Variants in AUTS2 observed in about 807,000 individuals in gnomAD.
AUTS2 encodes the protein activator of transcription and developmental regulator AUTS2, also known as autism susceptibility gene 2 protein.
Under a neutral mutation model 112.4 loss-of-function variants are expected in AUTS2, and 17 were observed. The observed-to-expected ratio is 0.15, with a 90% CI of 0.10 to 0.23. AUTS2 has a LOEUF of 0.23. AUTS2 is among the 10% of genes least tolerant of loss of function. The pLI is 1.00. For synonymous variants in AUTS2, 751 were observed against 702.7 expected, an observed-to-expected ratio of 1.07 and a Z score of -1.09; for missense variants, 1,510 against 1,701.6, an observed-to-expected ratio of 0.89 and a Z score of 1.98.
chr7:70,758,174 C>T (rs1198179988), intron 6 of AUTS2, among the ~76,000 whole-genome samples: 1 of 152,136 alleles, frequency 6.6e-6, no homozygotes, highest in Admixed American at 6.5e-5. Flanking sequence ...GTTGTACATT[C>T]GGCATTCTTT....
chr7:70,374,852 G>A (rs1170317962), intron 4 of AUTS2, among the ~76,000 whole-genome samples: 2 of 152,096 alleles, frequency 1.3e-5, no homozygotes, highest in Non-Finnish European at 2.9e-5. Flanking sequence ...ACATGTGCGT[G>A]CACACAGACC....
intron 1 of AUTS2, among the ~76,000 whole-genome samples, chr7:69,820,042 CATTTCATGGAGTTTATG>C (rs1161866190): frequency 1.3e-5 from 2 of 152,208 alleles, no homozygotes; most frequent in Admixed American, 1.3e-4. Context: ...ATTGCTGCTG[CATTTCATGGAGTTTATG>C]AGATGTGCTT....
chr7:70,385,944 AAC>A (rs1230876342), intron 4 of AUTS2, among the ~76,000 whole-genome samples: 1 of 150,208 alleles, frequency 6.7e-6, no homozygotes, highest in Non-Finnish European at 1.5e-5. Flanking sequence ...GGTTACTTAC[AAC>A]ACAGAGATTT....
intron 5 of AUTS2, among the ~76,000 whole-genome samples, chr7:70,582,876 A>T (rs1478039138): frequency 6.6e-6 from 1 of 152,212 alleles, no homozygotes; most frequent in Non-Finnish European, 1.5e-5. Flanking sequence ...ATGTCCCTAT[A>T]AAGTGAGTTT....
intron 3 of AUTS2, among the ~76,000 whole-genome samples, chr7:70,121,299 T>C (rs7805165): frequency 0.079 from 12,062 of 151,952 alleles, 613 homozygotes; most frequent in African/African-American, 0.13. Context: ...CAGTGGCTTA[T>C]TAGATATGAC....
At chr7:70,625,121 C>T (rs930282500) in intron 5 of AUTS2, among the ~76,000 whole-genome samples, 4 of 152,120 alleles carry the variant, frequency 2.6e-5, no homozygotes, top group Admixed American at 1.3e-4. Flanking sequence ...TTTCCCTTTA[C>T]AGCACTCACC....
intron 1 of AUTS2, among the ~76,000 whole-genome samples, chr7:69,872,795 ACTTT>A (rs1793556525): frequency 7.0e-6 from 1 of 142,374 alleles, no homozygotes; most frequent in Non-Finnish European, 1.5e-5. Flanking sequence ...CAGGAAGTTG[ACTTT>A]CACATTTGAG....
intron 4 of AUTS2, among the ~76,000 whole-genome samples, chr7:70,401,617 G>A (rs1264331858): frequency 6.6e-6 from 1 of 152,204 alleles, no homozygotes; most frequent in Admixed American, 6.5e-5. Flanking sequence ...AAAGGATCCA[G>A]AATGAAGCTT....
intron 1 of AUTS2, among the ~76,000 whole-genome samples, chr7:69,828,125 T>C (rs1791334726): frequency 6.6e-6 from 1 of 152,200 alleles, no homozygotes; most frequent in South Asian, 2.1e-4. Flanking sequence ...ACTTTGATTT[T>C]ATTTAGGTGT....
At chr7:70,773,954 A>G in intron 11 of AUTS2, 74 bp from the exon 12 acceptor site, 3 of 1,386,012 alleles carry the variant, frequency 2.2e-6, no homozygotes, top group Non-Finnish European at 3.1e-6. Context: ...CTCATTTAGC[A>G]GAAGGGAAGG....
intron 1 of AUTS2, among the ~76,000 whole-genome samples, chr7:69,860,797 G>T (rs1198798687): frequency 1.3e-5 from 2 of 152,194 alleles, no homozygotes; most frequent in Non-Finnish European, 2.9e-5. Context: ...ACAGGGTTCT[G>T]AGGGTACTGC....
At chr7:70,497,398 C>T (rs542846590) in intron 5 of AUTS2, among the ~76,000 whole-genome samples, 6 of 152,302 alleles carry the variant, frequency 3.9e-5, no homozygotes, top group African/African-American at 1.4e-4. Flanking sequence ...TTATCTAGGG[C>T]AAGTCAAAGT....
intron 2 of AUTS2, among the ~76,000 whole-genome samples, chr7:70,043,890 T>A (rs1242213706): frequency 6.6e-6 from 1 of 152,016 alleles, no homozygotes; most frequent in Non-Finnish European, 1.5e-5. Flanking sequence ...ATTACAGGCG[T>A]GAGCCACTGG....
In AUTS2 at chr7:70,260,365, C is replaced by CA. The variant is rs199568996; in HGVS notation, c.660+125803dup. On this transcript the variant is annotated intron_variant, in intron 4 of 18. Transcript: ENST00000342771. ...TGGGTGACAGAGCAAGACTCCATCT[C>CA]AAAAAAAAAGAAAAAATACTAGATA... is the stretch of plus-strand genomic sequence containing the variant. Among the ~76,000 whole-genome samples the CA allele has an allele frequency of 9.3e-3, 1,384 of 148,186 alleles. 54 individuals are homozygous for CA. The East Asian group carries it at 0.11, about 12-fold the overall frequency.
rs757599242 is a variant in AUTS2, at chr7:70,781,730, G to A, written c.2120G>A (p.Arg707Gln). The A allele has an allele frequency of 2.9e-5, 47 of 1,613,976 alleles. No individual in the cohort carries two copies. The highest frequency in any genetic ancestry group is 6.7e-5 in the Admixed American group (4 of 60,002). ...GAIHHPHDLA[R>Q]PSTLFSAAGA... ...ATCCACCACCCCCATGACCTGGCAC[G>A]GCCTTCAACTTTGTTCTCTGCCGCT... The change falls in exon 15 of 19, where the codon CGG becomes CAG. Residue 707 changes from arginine (R) to glutamine (Q), a missense_variant. Arg to Gln is a conservative substitution (Grantham distance 43). This residue lies in a region of AUTS2 where 788 missense variants were observed against 797.6 expected (regional missense o/e 0.99). Coordinates refer to ENST00000342771, the MANE Select transcript of AUTS2 (RefSeq NM_015570.4).
chr7:70,042,527 C>A (rs186297744), intron 2 of AUTS2, among the ~76,000 whole-genome samples: 1 of 152,092 alleles, frequency 6.6e-6, no homozygotes, highest in African/African-American at 2.4e-5. Context: ...AATACTGGAA[C>A]CTTTCTCTGA....
chr7:70,303,726 A>G (rs1331464239), intron 4 of AUTS2, among the ~76,000 whole-genome samples: 1 of 152,134 alleles, frequency 6.6e-6, no homozygotes. Flanking sequence ...GAGCCCCTCA[A>G]TCTGCATTAT....
chr7:69,750,343 C>T (rs1787680773), intron 1 of AUTS2, among the ~76,000 whole-genome samples: 1 of 149,696 alleles, frequency 6.7e-6, no homozygotes, highest in Admixed American at 6.7e-5. Context: ...TCCACAAATA[C>T]TATGTTATTA....
At chr7:70,690,822 G>A (rs998355083) in intron 5 of AUTS2, among the ~76,000 whole-genome samples, 1 of 152,142 alleles carries the variant, frequency 6.6e-6, no homozygotes, top group South Asian at 2.1e-4. Flanking sequence ...TTAGTTGGGC[G>A]TGGTGGTACA....
Sources: gnomAD v4.1 joint callset for allele counts (sites outside exome capture counted in the v4.1 genomes callset) on GRCh38, gnomAD v4.1.1 for gene constraint, gnomAD v4.1.1 regional missense constraint, MANE v1.5 for transcripts, NCBI Gene and HGNC (gene_info 2026-07-23, HGNC 2026-07-21) for gene names.